MCF2L2: variants seen among roughly 807,000 people sequenced by gnomAD.
MCF2L2 encodes MCF.2 cell line derived transforming sequence-like 2.
A neutral mutation model predicts 150.2 loss-of-function variants in MCF2L2; 102 were observed. That is an observed-to-expected ratio of 0.68 (90% CI 0.58 to 0.80). The LOEUF is 0.80. Among genes scored for constraint, MCF2L2 ranks in the 30% least tolerant of loss-of-function variants. The probability of loss-of-function intolerance (pLI) is 0.00; values close to 1 mark genes in which losing one functional copy is unlikely to be tolerated. For synonymous variants in MCF2L2, 465 were observed against 491.3 expected, an observed-to-expected ratio of 0.95 and a Z score of 0.71; for missense variants, 1,256 against 1,372.8, an observed-to-expected ratio of 0.91 and a Z score of 1.34.
At chr3:183,300,464 G>A (rs73066033) in intron 10 of MCF2L2, among the ~76,000 whole-genome samples, 11,614 of 152,176 alleles carry the variant, frequency 0.076, 1,119 homozygotes, top group African/African-American at 0.22. Flanking sequence ...GTGTTAACAA[G>A]CCCAAAATTT....
chr3:183,348,721 G>C (rs73884673), intron 3 of MCF2L2, among the ~76,000 whole-genome samples: 7 of 152,244 alleles, frequency 4.6e-5, no homozygotes, highest in African/African-American at 1.2e-4. Flanking sequence ...AGCCAATGTG[G>C]CTATGTGAAT....
At chr3:183,194,521 T>C (rs1279459172) in intron 26 of MCF2L2, among the ~76,000 whole-genome samples, 1 of 152,080 alleles carries the variant, frequency 6.6e-6, no homozygotes, top group Non-Finnish European at 1.5e-5. Context: ...GAGGGTGCGT[T>C]TGCCCACTCA....
At chr3:183,390,839 G>A (rs1290955485) in intron 1 of MCF2L2, among the ~76,000 whole-genome samples, 6 of 152,186 alleles carry the variant, frequency 3.9e-5, no homozygotes, top group Admixed American at 1.3e-4. Context: ...TGAGGCTGTC[G>A]TTAGCCATGA....
At chr3:183,269,230 C>CTT (rs60835895) in intron 15 of MCF2L2, among the ~76,000 whole-genome samples, 2,590 of 80,960 alleles carry the variant, frequency 0.032, 463 homozygotes, top group African/African-American at 0.15. Flanking sequence ...GTTTGGGAAG[C>CTT]TTTTTTTTTT....
intron 5 of MCF2L2, among the ~76,000 whole-genome samples, chr3:183,335,867 C>A (rs1468850642): frequency 6.6e-6 from 1 of 152,004 alleles, no homozygotes; most frequent in Admixed American, 6.6e-5. Context: ...TCTCTAAAAT[C>A]AAAACAAAAC....
At chr3:183,225,277 C>T (rs1001010522) in intron 18 of MCF2L2, 1 of 152,172 alleles carries the variant, frequency 6.6e-6, no homozygotes, top group Admixed American at 6.5e-5. Context: ...GCTATTCCCT[C>T]CAGGAAAAAA....
intron 15 of MCF2L2, among the ~76,000 whole-genome samples, chr3:183,262,088 A>C (rs1725649241): frequency 6.7e-6 from 1 of 149,580 alleles, no homozygotes; most frequent in Admixed American, 6.7e-5. Flanking sequence ...TATATACCAA[A>C]TTAAAGTATC....
chr3:183,416,072 T>C (rs1029370841), intron 1 of MCF2L2, among the ~76,000 whole-genome samples: 2 of 152,146 alleles, frequency 1.3e-5, no homozygotes, highest in Non-Finnish European at 2.9e-5. Context: ...ATATACATCT[T>C]ATCAAAATCT....
chr3:183,401,223 CATTTT>C (rs1167184527), intron 1 of MCF2L2, among the ~76,000 whole-genome samples: 1 of 152,132 alleles, frequency 6.6e-6, no homozygotes, highest in Non-Finnish European at 1.5e-5. Flanking sequence ...TTTCCTGATG[CATTTT>C]ATTTTGGTTC....
Position 183,326,486 on chromosome 3 carries a change from C to G in MCF2L2, c.487-3135G>C, listed in dbSNP as rs920697656. ...CAGCCTAGGCAATGAGAGTGAAACT[C>G]CGTCTCAAAAAAAAAAAAAAAAAAA... On this transcript the variant is annotated intron_variant, in intron 5 of 29. Transcript: ENST00000328913. Among the ~76,000 whole-genome samples the G allele has an allele frequency of 1.0e-4, 12 of 115,416 alleles. No homozygotes were observed. In the Admixed American group the frequency reaches 1.1e-3, roughly 10 times the overall value. 75.7% of individuals were successfully genotyped at this position (115,416 alleles called of 152,430 possible).
At position 183,206,953 on chromosome 3, in the gene MCF2L2, GGAAGGAAGGAAGGAAGGA is replaced by G. The variant is rs1560341240; in HGVS notation, c.2712+637_2712+654del. 6.9e-3 allele frequency among the ~76,000 whole-genome samples: 312 copies of G among 45,540 alleles called. 1 individual carries two copies. Among genetic ancestry groups the G allele is most frequent in the Non-Finnish European group, 9.8e-3 (201 of 20,592 alleles). The allele number at this position is 45,540 out of a possible 152,430, so 29.9% of individuals were successfully genotyped here. A position where few individuals can be genotyped will look rare whatever the true frequency, so the allele number is the denominator to read the frequency against. ...AGGAAGGAAGGAAGGAAGGAAGGAA[GGAAGGAAGGAAGGAAGGA>G]AGGGAGGGAGGGAGGGAGGAAGGAA... On this transcript the variant is annotated intron_variant, in intron 23 of 29. Coordinates refer to ENST00000328913, the MANE Select transcript of MCF2L2 (RefSeq NM_015078.4).
chr3:183,364,344 G>A lies in MCF2L2; in HGVS notation c.275+14953C>T, dbSNP rs570260828. ...ATCCTGGCTAACACGGTGAAACCCC[G>A]TCGCTACTAAAAATACAAAAAAAAA... On this transcript the variant is annotated intron_variant, in intron 3 of 29. Coordinates refer to ENST00000328913, the MANE Select transcript of MCF2L2 (RefSeq NM_015078.4). 5.2e-4 allele frequency among the ~76,000 whole-genome samples: 79 copies of A among 151,622 alleles called. 2 individuals carry two copies. Among genetic ancestry groups the A allele is most frequent in the East Asian group, 1.9e-4 (1 of 5,174 alleles).
intron 1 of MCF2L2, among the ~76,000 whole-genome samples, chr3:183,404,144 T>A (rs11715424): frequency 2.6e-5 from 4 of 151,936 alleles, no homozygotes; most frequent in Non-Finnish European, 5.9e-5. Context: ...ATTTAAAAAA[T>A]TTATGCACAA....
Position 183,288,506 on chromosome 3 carries a change from T to C in MCF2L2, c.1776+614A>G, listed in dbSNP as rs560104915. 3.4e-5 allele frequency among the ~76,000 whole-genome samples: 5 copies of C among 147,812 alleles called. No individual in the cohort carries two copies. The South Asian group carries it at 1.1e-3, about 32-fold the overall frequency. On this transcript the variant is annotated intron_variant, in intron 14 of 29. Coordinates refer to ENST00000328913, the MANE Select transcript of MCF2L2 (RefSeq NM_015078.4). Reference sequence around the variant, plus strand: ...CTTTTTTTTTTTTTTTTTTGAGACATAGTTTCGCTCTGTTGCCCAGGCTGG... The same window carrying C: ...CTTTTTTTTTTTTTTTTTTGAGACACAGTTTCGCTCTGTTGCCCAGGCTGG...
intron 1 of MCF2L2, among the ~76,000 whole-genome samples, chr3:183,417,706 G>A (rs1447885663): frequency 1.3e-5 from 2 of 151,996 alleles, no homozygotes; most frequent in Non-Finnish European, 2.9e-5. Context: ...ATGTTAGTCC[G>A]TTTTCACACT....
At chr3:183,383,255 A>C (rs891393853) in intron 2 of MCF2L2, among the ~76,000 whole-genome samples, 1 of 151,762 alleles carries the variant, frequency 6.6e-6, no homozygotes, top group South Asian at 2.1e-4. Context: ...ATTTTTTGAG[A>C]TGGAGTTTCA....
At chr3:183,391,794 AAG>A (rs1342384382) in intron 1 of MCF2L2, among the ~76,000 whole-genome samples, 1 of 152,250 alleles carries the variant, frequency 6.6e-6, no homozygotes, top group Non-Finnish European at 1.5e-5. Context: ...TATGTAATTA[AAG>A]AGTTTTCAGA....
At chr3:183,408,500 G>A (rs563943915) in intron 1 of MCF2L2, among the ~76,000 whole-genome samples, 1 of 152,292 alleles carries the variant, frequency 6.6e-6, no homozygotes, top group African/African-American at 2.4e-5. Flanking sequence ...CTATGGCCAT[G>A]GGCAGGGGTT....
At position 183,323,776 on chromosome 3, in the gene MCF2L2, G is replaced by A. The variant is rs559325244; in HGVS notation, c.487-425C>T. Among the ~76,000 whole-genome samples the A allele has an allele frequency of 4.5e-3, 657 of 144,676 alleles. 2 individuals are homozygous for A. Among genetic ancestry groups the A allele is most frequent in the African/African-American group, 0.016 (612 of 37,620 alleles). The allele number at this position is 144,676 out of a possible 152,430, so 94.9% of individuals were successfully genotyped here. A position where few individuals can be genotyped will look rare whatever the true frequency, so the allele number is the denominator to read the frequency against. On this transcript the variant is annotated intron_variant, in intron 5 of 29. Coordinates refer to ENST00000328913, the MANE Select transcript of MCF2L2 (RefSeq NM_015078.4). ...CGCACCATGGCACTCCAGCCTGGGC[G>A]ACAGAACAAGACCACATCAAAAAAA...
Sources: allele counts gnomAD v4.1 joint callset (sites outside exome capture counted in the v4.1 genomes callset), GRCh38; gene constraint gnomAD v4.1.1; transcripts MANE v1.5; gene names NCBI Gene and HGNC (gene_info 2026-07-23, HGNC 2026-07-21).